Variants in SNX7 observed in about 807,000 individuals in gnomAD.
The protein encoded by SNX7 is sorting nexin 7.
A neutral mutation model predicts 48.4 loss-of-function variants in SNX7; 35 were observed. That is an observed-to-expected ratio of 0.72 (90% CI 0.55 to 0.96). The LOEUF (loss-of-function observed/expected upper bound fraction) is 0.96. SNX7 is among the 40% of genes least tolerant of loss of function. The pLI is 0.00. For missense variants in SNX7, 553 were observed against 548.9 expected, an observed-to-expected ratio of 1.01 and a Z score of -0.07; for synonymous variants, 190 against 190.2, an observed-to-expected ratio of 1.00 and a Z score of 0.01.
chr1:98,683,260 A>G (rs1650601634), intron 1 of SNX7, among the ~76,000 whole-genome samples: 1 of 152,124 alleles, frequency 6.6e-6, no homozygotes, highest in Non-Finnish European at 1.5e-5. Flanking sequence ...CAAATAATAA[A>G]AAGCAGAGTA....
In SNX7 at chr1:98,708,830, CA is replaced by C. The variant is rs1652150390; in HGVS notation, c.1125+6932del. On this transcript the variant is annotated intron_variant, in intron 7 of 8. Coordinates refer to ENST00000306121, the MANE Select transcript of SNX7 (RefSeq NM_015976.5). ...TAATAATGAATATTTGATTAAATTG[CA>C]AAAATCACCGTATCTACCTTATGAA... 2.0e-5 allele frequency among the ~76,000 whole-genome samples: 3 copies of C among 152,082 alleles called. No individual in the cohort carries two copies. The South Asian group carries it at 6.2e-4, about 32-fold the overall frequency.
intron 1 of SNX7, among the ~76,000 whole-genome samples, chr1:98,675,842 A>G (rs112097770): frequency 3.7e-4 from 57 of 152,252 alleles, no homozygotes; most frequent in African/African-American, 1.2e-3. Context: ...TTATTTATCT[A>G]TGCAACCTTG....
At chr1:98,718,748 C>A (rs1246516409) in intron 7 of SNX7, among the ~76,000 whole-genome samples, 1 of 152,084 alleles carries the variant, frequency 6.6e-6, no homozygotes, top group Non-Finnish European at 1.5e-5. Flanking sequence ...CTTCCACTTT[C>A]TTTATGCATA....
intron 2 of SNX7, among the ~76,000 whole-genome samples, chr1:98,689,734 T>C (rs1387758615): frequency 6.6e-6 from 1 of 152,186 alleles, no homozygotes; most frequent in Non-Finnish European, 1.5e-5. Context: ...CTCTAAACCA[T>C]GTTTTGGGTG....
chr1:98,684,883 A>G lies in SNX7; in HGVS notation c.181-2A>G. 1 of 1,485,704 alleles carries G rather than the reference A, an allele frequency of 6.7e-7. No homozygotes were observed. The highest frequency in any genetic ancestry group is 2.3e-5 in the East Asian group (1 of 42,714). 92.0% of individuals were successfully genotyped at this position (1,485,704 alleles called of 1,614,324 possible). On this transcript the variant is annotated splice_acceptor_variant, in intron 1 of 8. Coordinates refer to ENST00000306121, the MANE Select transcript of SNX7 (RefSeq NM_015976.5). LOFTEE classifies it high-confidence loss of function. Reference sequence around the variant, plus strand: ...CTAATTTTTGAATGTTTTATTTCTTAGGATGCCTCATTGATGGACATGAAC... The same window carrying G: ...CTAATTTTTGAATGTTTTATTTCTTGGGATGCCTCATTGATGGACATGAAC...
intron 5 of SNX7, among the ~76,000 whole-genome samples, chr1:98,696,510 C>G (rs550257316): frequency 6.6e-6 from 1 of 151,544 alleles, no homozygotes; most frequent in Non-Finnish European, 1.5e-5. Context: ...AAAAAAACCA[C>G]GAATGAACAT....
chr1:98,731,823 A>C, intron 7 of SNX7, among the ~76,000 whole-genome samples: 1 of 152,178 alleles, frequency 6.6e-6, no homozygotes, highest in East Asian at 1.9e-4. Flanking sequence ...ATTGTCATTG[A>C]CTGAAATGTT....
At chr1:98,749,879 TATC>T (rs1363909710) in intron 8 of SNX7, among the ~76,000 whole-genome samples, 1 of 152,118 alleles carries the variant, frequency 6.6e-6, no homozygotes, top group Non-Finnish European at 1.5e-5. Flanking sequence ...ATGTAGGTGA[TATC>T]ATCTGTGTCC....
At chr1:98,677,234 G>A (rs9699590) in intron 1 of SNX7, 135,739 of 152,280 alleles carry the variant, frequency 0.89, 61,358 homozygotes, top group Non-Finnish European at 0.96. Flanking sequence ...TTATGTTTCA[G>A]TTAATTTTAT....
intron 1 of SNX7, among the ~76,000 whole-genome samples, chr1:98,668,964 C>T (rs899799218): frequency 6.6e-6 from 1 of 152,186 alleles, no homozygotes; most frequent in Non-Finnish European, 1.5e-5. Context: ...TCCTTTTTTA[C>T]TAAGGCTGTT....
At chr1:98,684,794 C>T in intron 1 of SNX7, 91 bp from the exon 2 acceptor site, 1 of 915,158 alleles carries the variant, frequency 1.1e-6, no homozygotes, top group Non-Finnish European at 1.5e-6. Context: ...CCCTTTTGTT[C>T]TTGATATATT....
At chr1:98,734,364 G>A (rs943516953) in intron 7 of SNX7, among the ~76,000 whole-genome samples, 1 of 152,182 alleles carries the variant, frequency 6.6e-6, no homozygotes, top group East Asian at 1.9e-4. Flanking sequence ...AGCTATATCA[G>A]TTTAAGCTTG....
intron 1 of SNX7, among the ~76,000 whole-genome samples, chr1:98,674,232 T>C (rs1650031270): frequency 6.6e-6 from 1 of 152,240 alleles, no homozygotes; most frequent in African/African-American, 2.4e-5. Flanking sequence ...GCAGAAATGC[T>C]GTGTGAGTTT....
intron 2 of SNX7, among the ~76,000 whole-genome samples, chr1:98,685,970 A>G (rs1408039851): frequency 6.6e-6 from 1 of 152,140 alleles, no homozygotes; most frequent in Non-Finnish European, 1.5e-5. Flanking sequence ...CACTTACCAT[A>G]TAAGACTTAT....
chr1:98,675,368 A>G (rs1394959037), intron 1 of SNX7, among the ~76,000 whole-genome samples: 2 of 152,200 alleles, frequency 1.3e-5, no homozygotes, highest in African/African-American at 4.8e-5. Flanking sequence ...AGTGATTCAT[A>G]GTAATTTAAA....
At chr1:98,688,790 A>G (rs766627630) in intron 2 of SNX7, among the ~76,000 whole-genome samples, 1 of 152,236 alleles carries the variant, frequency 6.6e-6, no homozygotes, top group African/African-American at 2.4e-5. Flanking sequence ...AGCATTATTT[A>G]TACTCCAAAT....
chr1:98,662,045 C>G, intron 1 of SNX7, 134 bp downstream of exon 1: 4 of 1,007,618 alleles, frequency 4.0e-6, no homozygotes, highest in Non-Finnish European at 5.1e-6. Flanking sequence ...AGTGAGGTCC[C>G]CCGGGCTGCT....
intron 1 of SNX7, among the ~76,000 whole-genome samples, chr1:98,681,088 A>G (rs1278773790): frequency 1.3e-5 from 2 of 152,204 alleles, no homozygotes; most frequent in African/African-American, 4.8e-5. Flanking sequence ...TGGCTGGGGA[A>G]GCATCACAAT....
chr1:98,670,190 G>T (rs1649775703), intron 1 of SNX7, among the ~76,000 whole-genome samples: 1 of 151,842 alleles, frequency 6.6e-6, no homozygotes, highest in Non-Finnish European at 1.5e-5. Flanking sequence ...CCTCAATCCT[G>T]AACAAAATCT....
Sources: allele counts gnomAD v4.1 joint callset (sites outside exome capture counted in the v4.1 genomes callset), GRCh38; gene constraint gnomAD v4.1.1; transcripts MANE v1.5; gene names NCBI Gene and HGNC (gene_info 2026-07-23, HGNC 2026-07-21).